AHNAK2: variants seen among roughly 807,000 people sequenced by gnomAD.
AHNAK2 encodes the protein protein AHNAK2.
A neutral mutation model predicts 30.7 loss-of-function variants in AHNAK2; 18 were observed. The observed-to-expected ratio is 0.59, with a 90% confidence interval of 0.41 to 0.87. The LOEUF (loss-of-function observed/expected upper bound fraction) is 0.87, where lower values mean the gene tolerates loss of function less well. Among genes scored for constraint, AHNAK2 ranks in the 40% least tolerant of loss-of-function variants. The pLI is 0.00. For synonymous variants in AHNAK2, 3,590 were observed against 3,073.8 expected (o/e 1.17, Z -5.56); for missense variants, 8,604 against 7,373.0 (o/e 1.17, Z -6.11).
Position 104,944,810 on chromosome 14 carries a change from G to C in AHNAK2, c.10641C>G (p.Pro3547=), listed in dbSNP as rs201806970. 7 of 1,612,762 alleles carry C rather than the reference G, an allele frequency of 4.3e-6. No homozygotes were observed. The South Asian group carries it at 5.5e-5, about 13-fold the overall frequency. The change falls in exon 7 of 7, where the codon CCC becomes CCG. Residue 3547 remains proline (P), a synonymous_variant. Transcript: ENST00000333244. ...GGTGCCCTTTGAGGCCGGCTCCCTC[G>C]GGCACGGGGCCCTCCAGGAGTTCCA... is the stretch of plus-strand genomic sequence containing the variant. ...VDVELLEGPV[P]EGAGLKGHLP... is the part of the protein sequence containing the mutation.
In AHNAK2 at chr14:104,941,851, C is replaced by T; in HGVS notation, c.13600G>A (p.Gly4534Ser). ...AGQVDLKLPE[G>S]HMPEVAGLKG... ...AGGCCGGCTACCTCGGGCATGTGGC[C>T]TTCTGGAAGTTTCAAGTCCACCTGG... The change falls in exon 7 of 7, where the codon GGC becomes AGC. Residue 4534 changes from glycine (G) to serine (S), a missense_variant. Transcript: ENST00000333244. 6.2e-7 allele frequency: 1 copy of T among 1,613,284 alleles called. No individual in the cohort carries two copies. The highest frequency in any genetic ancestry group is 1.7e-5 in the Admixed American group (1 of 59,998).
At position 104,941,866 on chromosome 14, in the gene AHNAK2, A is replaced by G. The variant is rs749572089; in HGVS notation, c.13585T>C (p.Leu4529=). ...DLEVQAGQVD[L]KLPEGHMPEV... ...GGCATGTGGCCTTCTGGAAGTTTCA[A>G]GTCCACCTGGCCAGCCTGGACCTCC... The change falls in exon 7 of 7, where the codon TTG becomes CTG. Residue 4529 remains leucine (L), a synonymous_variant. Coordinates refer to ENST00000333244, the MANE Select transcript of AHNAK2 (RefSeq NM_138420.4). 6.2e-7 allele frequency: 1 copy of G among 1,612,666 alleles called. No individual in the cohort carries two copies. Among genetic ancestry groups the G allele is most frequent in the Middle Eastern group, 1.7e-4 (1 of 6,054 alleles).
At chr14:104,961,794 G>A (rs1899156957) in intron 1 of AHNAK2, among the ~76,000 whole-genome samples, 1 of 152,084 alleles carries the variant, frequency 6.6e-6, no homozygotes, top group Admixed American at 6.6e-5. Context: ...GCAACACAGT[G>A]AGACCTCATC....
At position 104,967,466 on chromosome 14, in the gene AHNAK2, A is replaced by T. The variant is rs551364681; in HGVS notation, c.56-9794T>A. 1.1e-4 allele frequency among the ~76,000 whole-genome samples: 17 copies of T among 152,320 alleles called. No individual in the cohort carries two copies. The East Asian group carries it at 3.1e-3, about 28-fold the overall frequency. ...GGGGCCGGTGAGGGAGGGTGTCGAC[A>T]GCAAGCCCTGGGCACACCCTGTGCT... On this transcript the variant is annotated intron_variant, in intron 1 of 6. Transcript: ENST00000333244.
chr14:104,943,236 T>A lies in AHNAK2; in HGVS notation c.12215A>T (p.Asp4072Val), dbSNP rs1339047365. Reference protein sequence around the residue: ...PKVDLKGPQIDVKGPKLDLKG... With the variant: ...PKVDLKGPQIVVKGPKLDLKG... ...CAGGTCCAGCTTGGGGCCCTTAACA[T>A]CTATCTGGGGGCCCTTGAGGTCCAC... Residue 4072 changes from aspartate (D) to valine (V), a missense_variant, in exon 7 of 7, where the codon GAT becomes GTT. Physicochemically the swap from Asp to Val is radical, Grantham distance 152. Transcript: ENST00000333244. 1 of 1,612,250 alleles carries A rather than the reference T, an allele frequency of 6.2e-7. No homozygotes were observed. The highest frequency in any genetic ancestry group is 2.2e-5 in the East Asian group (1 of 44,672).
Position 104,940,024 on chromosome 14 carries a change from C to G in AHNAK2, c.15427G>C (p.Val5143Leu). The change falls in exon 7 of 7, where the codon GTG becomes CTG. Residue 5143 changes from valine to leucine, a missense_variant. Coordinates refer to ENST00000333244, the MANE Select transcript of AHNAK2 (RefSeq NM_138420.4). This position sits in a 1 kb window ranked among gnomAD's most constrained non-coding sequence, Gnocchi z 4.4. ...SRGCGLGDVP[V>L]SQPCGEGIAP... ...ATCCCCTCCCCACAAGGCTGGCTCA[C>G]TGGGACATCCCCGAGCCCACATCCT... The G allele has an allele frequency of 6.2e-7, 1 of 1,611,186 alleles. No homozygotes were observed. The highest frequency in any genetic ancestry group is 1.1e-5 in the South Asian group (1 of 91,010).
rs1326110394 is a variant in AHNAK2, at chr14:104,944,249, C to T, written c.11202G>A (p.Val3734=). Residue 3734 remains valine, a synonymous_variant, in exon 7 of 7, where the codon GTG becomes GTA. Coordinates refer to ENST00000333244, the MANE Select transcript of AHNAK2 (RefSeq NM_138420.4). ...TGTCCACCTGGGGGCCCTTGAGGTC[C>T]ACTTTGGGCATCTTCAAACTGGGCA... is the stretch of plus-strand genomic sequence containing the variant. ...VEMPSLKMPK[V]DLKGPQVDIK... The T allele has an allele frequency of 7.5e-6, 12 of 1,610,186 alleles. No individual in the cohort carries two copies. Among genetic ancestry groups the T allele is most frequent in the African/African-American group, 4.1e-5 (3 of 73,846 alleles).
At position 104,945,215 on chromosome 14, in the gene AHNAK2, G is replaced by A. The variant is rs761913812; in HGVS notation, c.10236C>T (p.Asp3412=). The A allele has an allele frequency of 2.9e-5, 47 of 1,612,290 alleles. 2 individuals are homozygous for A. The highest frequency in any genetic ancestry group is 6.6e-5 in the South Asian group (6 of 90,990). The part of the protein sequence containing the change: ...PKVDLKSPQV[D]IKGPKLDLKV... Reference sequence around the variant, plus strand: ...TTAGGTCCAGCTTGGGGCCCTTGATGTCCACCTGGGGGCTCTTGAGGTCCA... The same window carrying A: ...TTAGGTCCAGCTTGGGGCCCTTGATATCCACCTGGGGGCTCTTGAGGTCCA... Residue 3412 remains aspartate, a synonymous_variant, in exon 7 of 7, where the codon GAC becomes GAT. Transcript: ENST00000333244.
chr14:104,954,962 TCTC>T lies in AHNAK2; in HGVS notation c.643_645del (p.Glu215del). 6.2e-7 allele frequency: 1 copy of T among 1,611,826 alleles called. No homozygotes were observed. The highest frequency in any genetic ancestry group is 8.5e-7 in the Non-Finnish European group (1 of 1,179,234). On this transcript the variant is annotated inframe_deletion, in exon 6 of 7. Transcript: ENST00000333244. This position sits in a 1 kb window ranked among gnomAD's most constrained non-coding sequence, Gnocchi z 4.3. ...CCCGGGCATAGTGGTCTCACCTCCTTCTCCTTGCCCTGTGGGCCGTGCTGGGCA... is the reference window on the plus strand; with the variant it reads ...CCCGGGCATAGTGGTCTCACCTCCTTCTTGCCCTGTGGGCCGTGCTGGGCA...
Position 104,940,733 on chromosome 14 carries a change from C to A in AHNAK2, c.14718G>T (p.Leu4906Phe). The A allele has an allele frequency of 6.2e-7, 1 of 1,612,840 alleles. No homozygotes were observed. The highest frequency in any genetic ancestry group is 8.5e-7 in the Non-Finnish European group (1 of 1,179,752). Reference protein sequence around the residue: ...LSPGERVQCPLPSTQLPSPGT... With the variant: ...LSPGERVQCPFPSTQLPSPGT... ...CTGGGGATGGCAGCTGGGTGCTTGG[C>A]AAGGGGCACTGCACTCTTTCTCCAG... Residue 4906 changes from leucine to phenylalanine, a missense_variant, in exon 7 of 7, where the codon TTG (leucine) becomes TTT (phenylalanine). Transcript: ENST00000333244. This position sits in a 1 kb window ranked among gnomAD's most constrained non-coding sequence, Gnocchi z 4.4.
Position 104,946,549 on chromosome 14 carries a change from C to T in AHNAK2, c.8902G>A (p.Asp2968Asn), listed in dbSNP as rs368424440. ...ARLEGDLSLA[D>N]KDVTAKDSKF... Reference sequence around the variant, plus strand: ...CTGTCTTTGGCAGTCACATCCTTGTCGGCCAGGGACAGGTCACCCTCCAGC... The same window carrying T: ...CTGTCTTTGGCAGTCACATCCTTGTTGGCCAGGGACAGGTCACCCTCCAGC... Residue 2968 changes from aspartate to asparagine, a missense_variant, in exon 7 of 7, where the codon GAC becomes AAC. Asp to Asn is a conservative substitution (Grantham distance 23). Transcript: ENST00000333244. 29 of 1,612,578 alleles carry T rather than the reference C, an allele frequency of 1.8e-5. 1 individual carries two copies. The highest frequency in any genetic ancestry group is 5.4e-5 in the African/African-American group (4 of 74,452).
chr14:104,940,951 G>A lies in AHNAK2; in HGVS notation c.14500C>T (p.Pro4834Ser), dbSNP rs1348416288. ...GCTTGAGATGTTGGAACTCCCTCTG[G>A]AGGCTGCAGGTCAGTGGAGCACTCT... ...KTECSTDLQPPEGVPTSQAES... is the reference protein window; with the variant it reads ...KTECSTDLQPSEGVPTSQAES... The change falls in exon 7 of 7, where the codon CCA becomes TCA. Residue 4834 changes from proline (P) to serine (S), a missense_variant. Physicochemically the swap from Pro to Ser is moderately conservative, Grantham distance 74. Transcript: ENST00000333244. The surrounding 1 kb of genome is among the most constrained non-coding windows in gnomAD (Gnocchi z 4.4). 3 of 1,613,008 alleles carry A rather than the reference G, an allele frequency of 1.9e-6. No homozygotes were observed. Among genetic ancestry groups the A allele is most frequent in the East Asian group, 2.2e-5 (1 of 44,886 alleles).
At position 104,938,633 on chromosome 14, in the gene AHNAK2, C is replaced by T; in HGVS notation, c.16818G>A (p.Glu5606=). Residue 5606 remains glutamate (E), a synonymous_variant, in exon 7 of 7, where the codon GAG becomes GAA. Transcript: ENST00000333244. ...GHQLADSCSD[E]EPAEILEFPP... is the part of the protein sequence containing the mutation. ...GAAACTCAAGAATTTCTGCTGGCTC[C>T]TCATCTGAACAGCTGTCTGCAAGCT... The T allele has an allele frequency of 6.2e-7, 1 of 1,612,364 alleles. No individual in the cohort carries two copies. Among genetic ancestry groups the T allele is most frequent in the Non-Finnish European group, 8.5e-7 (1 of 1,179,234 alleles).
In AHNAK2 at chr14:104,953,263, C is replaced by A. The variant is rs375065480; in HGVS notation, c.2188G>T (p.Ala730Ser). 1.9e-6 allele frequency: 3 copies of A among 1,613,018 alleles called. No individual in the cohort carries two copies. The highest frequency in any genetic ancestry group is 1.7e-6 in the Non-Finnish European group (2 of 1,179,688). Reference sequence around the variant, plus strand: ...TGGCCATCCTGGACCTCCAGGTCAGCGGAAGGGGTCTGGACGCTGAGGTCA... The same window carrying A: ...TGGCCATCCTGGACCTCCAGGTCAGAGGAAGGGGTCTGGACGCTGAGGTCA... Reference protein sequence around the residue: ...TTDLSVQTPSADLEVQDGQVD... With the variant: ...TTDLSVQTPSSDLEVQDGQVD... Residue 730 changes from alanine to serine, a missense_variant, in exon 7 of 7, where the codon GCT becomes TCT. Coordinates refer to ENST00000333244, the MANE Select transcript of AHNAK2 (RefSeq NM_138420.4).
rs1898039725 is a variant in AHNAK2 at position 104,942,504 on chromosome 14, G to T, written c.12947C>A (p.Ser4316Tyr). 6 of 1,612,992 alleles carry T rather than the reference G, an allele frequency of 3.7e-6. No individual in the cohort carries two copies. Among genetic ancestry groups the T allele is most frequent in the Non-Finnish European group, 5.1e-6 (6 of 1,179,536 alleles). Reference protein sequence around the residue: ...PSFGVSAPGKSIEASLDVSAL... With the variant: ...PSFGVSAPGKYIEASLDVSAL... ...AGACACATCCAACGAGGCCTCGATG[G>T]ACTTGCCTGGGGCAGACACCCCGAA... The change falls in exon 7 of 7, where the codon TCC (serine) becomes TAC (tyrosine). Residue 4316 changes from serine (S) to tyrosine (Y), a missense_variant. Transcript: ENST00000333244.
At position 104,956,511 on chromosome 14, in the gene AHNAK2, C is replaced by A. The variant is rs553476309; in HGVS notation, c.315+77G>T. ...AGCCTCTTTGCTCCTCCCCTGCCTGCTCTGACCTCGGACTCTCTGGCTGGA... is the reference window on the plus strand; with the variant it reads ...AGCCTCTTTGCTCCTCCCCTGCCTGATCTGACCTCGGACTCTCTGGCTGGA... On this transcript the variant is annotated intron_variant, in intron 4 of 6. Coordinates refer to ENST00000333244, the MANE Select transcript of AHNAK2 (RefSeq NM_138420.4). 915 of 1,483,312 alleles carry A rather than the reference C, an allele frequency of 6.2e-4. 1 individual carries two copies. Among genetic ancestry groups the A allele is most frequent in the Middle Eastern group, 4.1e-3 (24 of 5,836 alleles). 91.9% of individuals were successfully genotyped at this position (1,483,312 alleles called of 1,614,324 possible).
At chr14:104,970,425 G>A in intron 1 of AHNAK2, 1 of 985,518 alleles carries the variant, frequency 1.0e-6, no homozygotes, top group Non-Finnish European at 1.2e-6. Flanking sequence ...AGGCAAGCAG[G>A]TGTCCGGACA....
chr14:104,946,363 G>C lies in AHNAK2; in HGVS notation c.9088C>G (p.Pro3030Ala). The change falls in exon 7 of 7, where the codon CCC becomes GCC. Residue 3030 changes from proline to alanine, a missense_variant. Physicochemically the swap from Pro to Ala is conservative, Grantham distance 27. Transcript: ENST00000333244. ...TGGACCTCCAGTTGGGCAGAGGGGG[G>C]CTCAATGCTGATGTCAGTGGTCTTC... ...DLKTTDISIEPPSAQLEVQAG... is the reference protein window; with the variant it reads ...DLKTTDISIEAPSAQLEVQAG... 2.5e-6 allele frequency: 4 copies of C among 1,612,350 alleles called. No individual in the cohort carries two copies. The highest frequency in any genetic ancestry group is 2.5e-6 in the Non-Finnish European group (3 of 1,179,422).
rs1255021054 is a variant in AHNAK2 at position 104,942,378 on chromosome 14, T to G, written c.13073A>C (p.Gln4358Pro). 1.2e-6 allele frequency: 2 copies of G among 1,613,076 alleles called. No individual in the cohort carries two copies. Among genetic ancestry groups the G allele is most frequent in the Non-Finnish European group, 1.7e-6 (2 of 1,179,644 alleles). Residue 4358 changes from glutamine to proline, a missense_variant, in exon 7 of 7, where the codon CAG (glutamine) becomes CCG (proline). Transcript: ENST00000333244. ...GAGTTTCACATCCTCTTGGCCAGCC[T>G]GGACCTCCAGATCAGCGGAAGGGGG... ...IQPPSADLEV[Q>P]AGQEDVKLPE...
Sources: gnomAD v4.1 joint callset for allele counts (sites outside exome capture counted in the v4.1 genomes callset) on GRCh38, gnomAD v4.1.1 for gene constraint, Gnocchi (gnomAD v3.1) non-coding constraint, MANE v1.5 for transcripts, NCBI Gene and HGNC (gene_info 2026-07-23, HGNC 2026-07-21) for gene names.